UGT2B15: variants seen among roughly 807,000 people sequenced by gnomAD.
The protein encoded by UGT2B15 is UDP-glucuronosyltransferase 2B15.
UGT2B15 carries 36 observed loss-of-function variants against 45.9 expected under a neutral mutation model. The observed-to-expected ratio is 0.78, with a 90% CI of 0.60 to 1.04. The LOEUF (loss-of-function observed/expected upper bound fraction) is 1.04, where lower values mean the gene tolerates loss of function less well. UGT2B15 is among the 50% of genes least tolerant of loss of function. The pLI is 0.00. For synonymous variants in UGT2B15, 219 were observed against 216.4 expected (o/e 1.01, Z -0.11); for missense variants, 617 against 622.4 (o/e 0.99, Z 0.09).
chr4:68,664,665 A>C (rs1968719), intron 2 of UGT2B15, among the ~76,000 whole-genome samples: 109,978 of 151,460 alleles, frequency 0.73, 40,082 homozygotes, highest in South Asian at 0.82. Context: ...CTCCCAGGTT[A>C]AAGCAATTCT....
intron 5 of UGT2B15, among the ~76,000 whole-genome samples, chr4:68,648,868 A>G (rs1055075776): frequency 6.6e-6 from 1 of 152,080 alleles, no homozygotes; most frequent in African/African-American, 2.4e-5. Context: ...TGTAGAGAGT[A>G]TTCAGTTGAT....
chr4:68,667,222 G>A (rs901567574), intron 2 of UGT2B15, among the ~76,000 whole-genome samples: 1 of 151,580 alleles, frequency 6.6e-6, no homozygotes, highest in African/African-American at 2.4e-5. Flanking sequence ...GAGTTCAGTG[G>A]TGTGGTCTCA....
chr4:68,660,954 T>G (rs548539561), intron 3 of UGT2B15, among the ~76,000 whole-genome samples: 26 of 152,094 alleles, frequency 1.7e-4, no homozygotes, highest in South Asian at 1.2e-3. Flanking sequence ...TTCAAGGATT[T>G]TTCTTTTGTT....
chr4:68,663,528 A>G (rs1353453214), intron 2 of UGT2B15, among the ~76,000 whole-genome samples: 5 of 152,004 alleles, frequency 3.3e-5, no homozygotes, highest in African/African-American at 9.7e-5. Context: ...TTGTGGTTCT[A>G]CTAAATCTCT....
In UGT2B15 at chr4:68,668,034, A is replaced by T. The variant is rs761941178; in HGVS notation, c.873+6T>A. ...AAGCAAACAAATGAAACAAGAATAC[A>T]TTTACCTTAGGCAGGGGTTTGGCTG... is the stretch of plus-strand genomic sequence containing the variant. On this transcript the variant is annotated splice_donor_region_variant and intron_variant, in intron 2 of 5. Transcript: ENST00000338206. The T allele has an allele frequency of 9.3e-6, 15 of 1,613,768 alleles. 1 individual carries two copies. In the South Asian group the frequency reaches 1.4e-4, roughly 15 times the overall value.
rs534215334 is a variant in UGT2B15, at chr4:68,651,728, T to C, written c.1313+2309A>G. ...TGAGGCCTATGTTCTGTTCCATTGG[T>C]CTATATATCTGTTTGGTACCAGTAC... On this transcript the variant is annotated intron_variant, in intron 5 of 5. Transcript: ENST00000338206. Among the ~76,000 whole-genome samples, 127 of 152,218 alleles carry C rather than the reference T, an allele frequency of 8.3e-4. 1 individual carries two copies. The highest frequency in any genetic ancestry group is 3.0e-3 in the African/African-American group (124 of 41,532).
At chr4:68,661,252 G>A (rs188308761) in intron 3 of UGT2B15, among the ~76,000 whole-genome samples, 23 of 152,048 alleles carry the variant, frequency 1.5e-4, no homozygotes, top group East Asian at 5.8e-4. Flanking sequence ...CTGCTCACTG[G>A]GATAAATGCA....
intron 3 of UGT2B15, among the ~76,000 whole-genome samples, chr4:68,659,721 T>C (rs1160739927): frequency 6.6e-6 from 1 of 152,024 alleles, no homozygotes; most frequent in East Asian, 1.9e-4. Flanking sequence ...TACTCAGCCA[T>C]AAAATTCTAA....
chr4:68,658,242 A>G (rs1732868059), intron 3 of UGT2B15, among the ~76,000 whole-genome samples: 1 of 151,988 alleles, frequency 6.6e-6, no homozygotes, highest in Non-Finnish European at 1.5e-5. Context: ...TATTACTGAA[A>G]ATATATAAAA....
chr4:68,653,545 G>GAC (rs1732713948), intron 5 of UGT2B15, among the ~76,000 whole-genome samples: 1 of 151,606 alleles, frequency 6.6e-6, no homozygotes, highest in Non-Finnish European at 1.5e-5. Flanking sequence ...TGTTCTTTAG[G>GAC]GCTGTGGCTT....
chr4:68,647,904 T>G (rs1293298909), intron 5 of UGT2B15, among the ~76,000 whole-genome samples: 1 of 151,938 alleles, frequency 6.6e-6, no homozygotes. Context: ...TTTACACTTT[T>G]AGATATGAGG....
intron 5 of UGT2B15, among the ~76,000 whole-genome samples, chr4:68,653,158 T>A (rs1433384660): frequency 6.6e-6 from 1 of 152,000 alleles, no homozygotes; most frequent in African/African-American, 2.4e-5. Context: ...ACTCCTAGCA[T>A]CTCCTCAAAA....
Position 68,646,740 on chromosome 4 carries a change from T to G in UGT2B15, c.*364A>C, listed in dbSNP as rs1732482661. On this transcript the variant is annotated 3_prime_UTR_variant, in exon 6 of 6. Coordinates refer to ENST00000338206, the MANE Select transcript of UGT2B15 (RefSeq NM_001076.4). ...AAAAAAAGAGTTGTATTTTTTTTTT[T>G]TGCTTTTTTTAAATTATACTTTAAG... 1 of 158,450 alleles carries G rather than the reference T, an allele frequency of 6.3e-6. No individual in the cohort carries two copies. The highest frequency in any genetic ancestry group is 6.5e-5 in the Admixed American group (1 of 15,484). The allele number at this position is 158,450 out of a possible 1,614,324, so 9.8% of individuals were successfully genotyped here.
intron 3 of UGT2B15, among the ~76,000 whole-genome samples, chr4:68,660,541 G>C (rs1052822090): frequency 6.6e-6 from 1 of 151,542 alleles, no homozygotes; most frequent in Non-Finnish European, 1.5e-5. Context: ...ATCAGGCCAA[G>C]TATAATAAAG....
intron 2 of UGT2B15, 51 bp downstream of exon 2, chr4:68,667,989 C>T: frequency 6.2e-7 from 1 of 1,605,412 alleles, no homozygotes; most frequent in Non-Finnish European, 8.5e-7. Context: ...ACATATCCAG[C>T]CATTCCTTCT....
chr4:68,653,372 A>G (rs1732709898), intron 5 of UGT2B15, among the ~76,000 whole-genome samples: 2 of 152,072 alleles, frequency 1.3e-5, no homozygotes, highest in South Asian at 4.1e-4. Context: ...TGCTAAGTGA[A>G]AGAAGTCATT....
intron 1 of UGT2B15, among the ~76,000 whole-genome samples, chr4:68,668,692 T>C (rs1733213142): frequency 7.2e-6 from 1 of 138,074 alleles, no homozygotes; most frequent in African/African-American, 2.6e-5. Flanking sequence ...CTGCTTGCAC[T>C]TCTCTCTCCT....
intron 3 of UGT2B15, among the ~76,000 whole-genome samples, chr4:68,659,148 G>T (rs1250763864): frequency 6.6e-6 from 1 of 151,900 alleles, no homozygotes; most frequent in Admixed American, 6.6e-5. Context: ...AAGTTATTTG[G>T]CTTCATGCTA....
Position 68,663,024 on chromosome 4 carries a change from G to A in UGT2B15, c.989C>T (p.Ala330Val), listed in dbSNP as rs140828812. ...ESANMIASALAQIPQKVLWRF... is the reference protein window; with the variant it reads ...ESANMIASALVQIPQKVLWRF... ...TTATCTAACCTTTTGTGGGATCTGG[G>A]CAAGGGCTGATGCAATCATGTTGGC... Residue 330 changes from alanine to valine, a missense_variant, in exon 3 of 6, where the codon GCC (alanine) becomes GTC (valine). Coordinates refer to ENST00000338206, the MANE Select transcript of UGT2B15 (RefSeq NM_001076.4). The A allele has an allele frequency of 2.2e-3, 3,342 of 1,522,854 alleles. 13 individuals carry two copies. In the African/African-American group the frequency reaches 0.045, roughly 21 times the overall value. 94.3% of individuals were successfully genotyped at this position (1,522,854 alleles called of 1,614,324 possible). A position where few individuals can be genotyped will look rare whatever the true frequency, so the allele number is the denominator to read the frequency against.
Sources: gnomAD v4.1 joint callset for allele counts (sites outside exome capture counted in the v4.1 genomes callset) on GRCh38, gnomAD v4.1.1 for gene constraint, MANE v1.5 for transcripts, NCBI Gene and HGNC (gene_info 2026-07-23, HGNC 2026-07-21) for gene names.